The following CEP192 variants were observed in gnomAD, a reference collection of about 807,000 sequenced individuals.
CEP192 encodes the protein centrosomal protein 192.
In CEP192, 151 loss-of-function variants were observed where a neutral mutation model predicts 271.8. The ratio of observed to expected loss-of-function variants is 0.56; its 90% CI spans 0.49 to 0.64. The LOEUF is 0.64. Ranked by LOEUF, CEP192 falls within the 30% of genes least tolerant of loss-of-function variation. The pLI is 0.00. For missense variants in CEP192, 2,910 were observed against 3,020.5 expected, an observed-to-expected ratio of 0.96 and a Z score of 0.86; for synonymous variants, 995 against 1,076.5, an observed-to-expected ratio of 0.92 and a Z score of 1.48.
chr18:13,033,381 TATTTTTCA>T (rs1473509034), intron 11 of CEP192, among the ~76,000 whole-genome samples: 320 of 152,358 alleles, frequency 2.1e-3, no homozygotes, highest in African/African-American at 7.4e-3. Flanking sequence ...CCAGTCATAG[TATTTTTCA>T]GTTATTTCCT....
In CEP192 at chr18:13,017,173, C is replaced by T. The variant is rs773673671; in HGVS notation, c.641-15C>T. On this transcript the variant is annotated splice_polypyrimidine_tract_variant and intron_variant, in intron 6 of 44. Transcript: ENST00000506447. ...CTTTAAAGCATGTCCTGTTTTTTCT[C>T]GATTTTATCAATAGATGATGATATT... 22 of 1,519,028 alleles carry T rather than the reference C, an allele frequency of 1.4e-5. No homozygotes were observed. The highest frequency in any genetic ancestry group is 1.0e-4 in the South Asian group (8 of 78,690). 94.1% of individuals were successfully genotyped at this position (1,519,028 alleles called of 1,614,324 possible). A position where few individuals can be genotyped will look rare whatever the true frequency, so the allele number is the denominator to read the frequency against.
intron 3 of CEP192, among the ~76,000 whole-genome samples, chr18:13,004,477 G>A (rs893162682): frequency 1.3e-5 from 2 of 152,124 alleles, no homozygotes; most frequent in African/African-American, 4.8e-5. Flanking sequence ...AGCTGGGTAG[G>A]ACTGCGGACA....
intron 17 of CEP192, among the ~76,000 whole-genome samples, chr18:13,052,530 A>G (rs777210254): frequency 6.6e-6 from 1 of 152,210 alleles, no homozygotes; most frequent in African/African-American, 2.4e-5. Flanking sequence ...TGATAGTCCC[A>G]CAGTGGTGTG....
intron 30 of CEP192, among the ~76,000 whole-genome samples, chr18:13,082,819 G>A (rs2144633797): frequency 6.6e-6 from 1 of 152,216 alleles, no homozygotes; most frequent in East Asian, 1.9e-4. Flanking sequence ...CAGGCCTGGT[G>A]GTGACAAAAT....
intron 11 of CEP192, among the ~76,000 whole-genome samples, chr18:13,036,260 C>A (rs1365728427): frequency 1.3e-5 from 2 of 152,142 alleles, no homozygotes; most frequent in Admixed American, 6.5e-5. Context: ...TGGTGCTCTG[C>A]TTTTCCTGAA....
At chr18:13,085,351 C>T (rs145585909) in intron 30 of CEP192, among the ~76,000 whole-genome samples, 41 of 151,578 alleles carry the variant, frequency 2.7e-4, no homozygotes, top group African/African-American at 9.2e-4. Flanking sequence ...TATAGGTTAC[C>T]TATTCACTCT....
intron 34 of CEP192, 114 bp from the exon 35 acceptor site, chr18:13,095,389 T>G (rs1451986995): frequency 8.5e-6 from 7 of 819,422 alleles, no homozygotes; most frequent in Non-Finnish European, 1.3e-5. Context: ...GTCTTAATGT[T>G]TTTAGATTTA....
intron 3 of CEP192, among the ~76,000 whole-genome samples, chr18:13,004,732 A>G (rs7236159): frequency 0.093 from 14,168 of 152,238 alleles, 825 homozygotes; most frequent in South Asian, 0.18. Flanking sequence ...TTCCTGGACA[A>G]CATCAAGGGC....
Position 13,015,341 on chromosome 18 carries a change from A to C in CEP192, c.533A>C (p.Asp178Ala), listed in dbSNP as rs1397125540. The C allele has an allele frequency of 6.4e-7, 1 of 1,550,748 alleles. No individual in the cohort carries two copies. Among genetic ancestry groups the C allele is most frequent in the East Asian group, 2.4e-5 (1 of 40,898 alleles). ...NNKEPKIVVL[D>A]AGKHFEDKTL... Reference sequence around the variant, plus strand: ...TGTTTCTTATAGATTGTTGTGCTTGATGCTGGAAAACATTTTGAAGACAAG... The same window carrying C: ...TGTTTCTTATAGATTGTTGTGCTTGCTGCTGGAAAACATTTTGAAGACAAG... Residue 178 changes from aspartate (D) to alanine (A), a missense_variant, in exon 6 of 45, where the codon GAT becomes GCT. Physicochemically the swap from Asp to Ala is moderately radical, Grantham distance 126. Coordinates refer to ENST00000506447, the MANE Select transcript of CEP192 (RefSeq NM_032142.4).
chr18:13,029,860 G>C lies in CEP192; in HGVS notation c.1248G>C (p.Thr416=), dbSNP rs1344499916. 1 of 1,551,572 alleles carries C rather than the reference G, an allele frequency of 6.4e-7. No individual in the cohort carries two copies. Among genetic ancestry groups the C allele is most frequent in the Admixed American group, 2.0e-5 (1 of 51,000 alleles). The change falls in exon 10 of 45, where the codon ACG becomes ACC. Residue 416 remains threonine, a synonymous_variant. Transcript: ENST00000506447. The part of the protein sequence containing the change: ...MDGCLDTETP[T]VSIQENVDVA... ...GATGTTTAGACACTGAGACTCCTAC[G>C]GTGTCCATTCAAGAAAATGTGGATG...
intron 9 of CEP192, among the ~76,000 whole-genome samples, chr18:13,028,634 CT>C (rs199845783): frequency 0.035 from 5,272 of 152,274 alleles, 104 homozygotes; most frequent in Middle Eastern, 0.11. Context: ...ATTCTCTTGC[CT>C]CAGCCTCCCG....
chr18:13,039,959 T>C (rs1216915963), intron 13 of CEP192, among the ~76,000 whole-genome samples: 1 of 152,202 alleles, frequency 6.6e-6, no homozygotes, highest in African/African-American at 2.4e-5. Context: ...AATTTGTTGA[T>C]AAATTCCACA....
chr18:13,036,961 A>G (rs892348942), intron 11 of CEP192, among the ~76,000 whole-genome samples: 1 of 152,380 alleles, frequency 6.6e-6, no homozygotes, highest in East Asian at 1.9e-4. Flanking sequence ...CTCCAAAGCA[A>G]ACATTAATTT....
intron 1 of CEP192, among the ~76,000 whole-genome samples, chr18:12,996,181 G>T (rs913176619): frequency 6.6e-6 from 1 of 151,194 alleles, no homozygotes; most frequent in Non-Finnish European, 1.5e-5. Context: ...GCAGGAAGTG[G>T]TGGTGGCCTG....
At position 13,059,273 on chromosome 18, in the gene CEP192, C is replaced by T. The variant is rs775602572; in HGVS notation, c.4449C>T (p.Thr1483=). The change falls in exon 21 of 45, where the codon ACC becomes ACT. Residue 1483 remains threonine, a synonymous_variant. Coordinates refer to ENST00000506447, the MANE Select transcript of CEP192 (RefSeq NM_032142.4). ...TIVQAEALAS[T]VTLTAIAESP... ...TACAGGCAGAAGCTTTGGCCAGCAC[C>T]GTCACTCTCACTGCCATTGCCGAGA... The T allele has an allele frequency of 4.3e-6, 7 of 1,614,130 alleles. No individual in the cohort carries two copies. Among genetic ancestry groups the T allele is most frequent in the South Asian group, 1.1e-5 (1 of 91,082 alleles).
intron 15 of CEP192, 67 bp downstream of exon 15, chr18:13,042,401 G>C: frequency 6.7e-7 from 1 of 1,494,500 alleles, no homozygotes. Flanking sequence ...GGATCAAGAC[G>C]AGATCACCTG....
At chr18:13,027,738 T>A (rs2035386288) in intron 9 of CEP192, among the ~76,000 whole-genome samples, 1 of 152,208 alleles carries the variant, frequency 6.6e-6, no homozygotes, top group African/African-American at 2.4e-5. Context: ...TGTTCAAGAT[T>A]AAGTTGCTTT....
In CEP192 at chr18:13,104,966, T is replaced by G. The variant is rs749038267; in HGVS notation, c.6952-18T>G. ...TTGGCTTTATGGTTTTTAATTTGTT[T>G]AAATGATTGCTTTGCAGGGAGTTGA... On this transcript the variant is annotated intron_variant, in intron 39 of 44. Coordinates refer to ENST00000506447, the MANE Select transcript of CEP192 (RefSeq NM_032142.4). 6.9e-6 allele frequency: 11 copies of G among 1,583,436 alleles called. No individual in the cohort carries two copies. The African/African-American group carries it at 1.1e-4, about 16-fold the overall frequency.
In CEP192 at chr18:13,072,815, T is replaced by C. The variant is rs1568374959; in HGVS notation, c.5409T>C (p.Leu1803=). The C allele has an allele frequency of 6.2e-7, 1 of 1,612,646 alleles. No homozygotes were observed. Among genetic ancestry groups the C allele is most frequent in the Non-Finnish European group, 8.5e-7 (1 of 1,178,720 alleles). ...CTACAACTCAACATTTACGACTGCT[T>C]ATTAGAGGACAAGATCAGGACTGCT... is the stretch of plus-strand genomic sequence containing the variant. ...SASTTQHLRL[L]IRGQDQDCFQ... is the part of the protein sequence containing the mutation. The change falls in exon 29 of 45, where the codon CTT becomes CTC. Residue 1803 remains leucine (L), a synonymous_variant. Coordinates refer to ENST00000506447, the MANE Select transcript of CEP192 (RefSeq NM_032142.4).
Sources: gnomAD v4.1 joint callset for allele counts (sites outside exome capture counted in the v4.1 genomes callset) on GRCh38, gnomAD v4.1.1 for gene constraint, MANE v1.5 for transcripts, NCBI Gene and HGNC (gene_info 2026-07-23, HGNC 2026-07-21) for gene names.